ACACA: variants seen among roughly 807,000 people sequenced by gnomAD.
ACACA encodes the protein acetyl-CoA carboxylase alpha.
Under a neutral mutation model 296.1 loss-of-function variants are expected in ACACA, and 103 were observed. That is an observed-to-expected ratio of 0.35 (90% CI 0.30 to 0.41). The LOEUF is 0.41. Among genes scored for constraint, ACACA ranks in the 10% least tolerant of loss-of-function variants. ACACA has a pLI of 1.00. For missense variants in ACACA, 1,554 were observed against 2,989.7 expected (o/e 0.52, Z 11.20); for synonymous variants, 953 against 1,038.6 (o/e 0.92, Z 1.58).
chr17:37,397,884 C>CTGAAAT (rs1490211284), intron 1 of ACACA, among the ~76,000 whole-genome samples: 4 of 152,038 alleles, frequency 2.6e-5, no homozygotes, highest in African/African-American at 7.2e-5. Flanking sequence ...CATCCAGTGG[C>CTGAAAT]TGAAATTGCT....
intron 15 of ACACA, 72 bp from the exon 16 acceptor site, chr17:37,252,180 G>T: frequency 8.1e-7 from 1 of 1,241,606 alleles, no homozygotes; most frequent in Non-Finnish European, 1.2e-6. Context: ...ATGAAATCAG[G>T]CTCAAATTTG....
intron 45 of ACACA, among the ~76,000 whole-genome samples, chr17:37,146,850 C>A (rs2075833254): frequency 1.3e-5 from 2 of 148,192 alleles, no homozygotes; most frequent in South Asian, 2.2e-4. Flanking sequence ...ACCCCCCAAC[C>A]CCCCTTCCTG....
intron 3 of ACACA, among the ~76,000 whole-genome samples, chr17:37,312,893 T>A (rs2084229764): frequency 6.6e-6 from 1 of 151,804 alleles, no homozygotes; most frequent in African/African-American, 2.4e-5. Context: ...ACAAAAAAAA[T>A]ATATAAAGGG....
At chr17:37,314,988 C>T (rs2047022131) in intron 3 of ACACA, among the ~76,000 whole-genome samples, 1 of 95,184 alleles carries the variant, frequency 1.1e-5, no homozygotes, top group Non-Finnish European at 1.9e-5. Context: ...GATGGAGTTT[C>T]GCTCTTGTTG....
chr17:37,201,191 C>T (rs141589888), intron 33 of ACACA, among the ~76,000 whole-genome samples: 538 of 152,290 alleles, frequency 3.5e-3, no homozygotes, highest in Non-Finnish European at 5.8e-3. Flanking sequence ...GTAATCCCAA[C>T]ACTTTGTGGG....
At chr17:37,372,615 C>A (rs1409924829) in intron 1 of ACACA, among the ~76,000 whole-genome samples, 1 of 152,126 alleles carries the variant, frequency 6.6e-6, no homozygotes, top group Non-Finnish European at 1.5e-5. Flanking sequence ...AGTGCTCCTT[C>A]TGCAGACCCA....
intron 42 of ACACA, among the ~76,000 whole-genome samples, chr17:37,159,474 G>A (rs1029900008): frequency 4.6e-5 from 7 of 152,044 alleles, no homozygotes; most frequent in Non-Finnish European, 8.8e-5. Context: ...TGCCTGCCTC[G>A]GCCTCCCGAA....
intron 41 of ACACA, among the ~76,000 whole-genome samples, chr17:37,165,572 A>G (rs940324165): frequency 2.0e-5 from 3 of 151,992 alleles, no homozygotes; most frequent in Non-Finnish European, 4.4e-5. Flanking sequence ...AATCTTACCC[A>G]TTCCAAAAGG....
In ACACA at chr17:37,097,503, T is replaced by A. The variant is rs2142723299; in HGVS notation, c.6720+327A>T. Among the ~76,000 whole-genome samples the A allele has an allele frequency of 6.6e-6, 1 of 152,342 alleles. No homozygotes were observed. On this transcript the variant is annotated intron_variant, in intron 53 of 55. Coordinates refer to ENST00000616317, the MANE Select transcript of ACACA (RefSeq NM_198834.3). The surrounding 1 kb of genome is among the most constrained non-coding windows in gnomAD (Gnocchi z 4.8). ...GATCAAACAACTTGCAGATCAATTA[T>A]TAATTAGCTGCTGCGGGAGCCTTGA...
chr17:37,274,528 G>A lies in ACACA; in HGVS notation c.902-229C>T. ...TGGCAAAAGCCAGCCGAACTAACAGGGAGCAACTTATAAAAATGCAAAGAC... is the reference window on the plus strand; with the variant it reads ...TGGCAAAAGCCAGCCGAACTAACAGAGAGCAACTTATAAAAATGCAAAGAC... On this transcript the variant is annotated intron_variant, in intron 8 of 55. Transcript: ENST00000616317. 3.6e-6 allele frequency: 3 copies of A among 825,640 alleles called. No homozygotes were observed. The South Asian group carries it at 1.7e-4, about 46-fold the overall frequency. 51.1% of individuals were successfully genotyped at this position (825,640 alleles called of 1,614,324 possible). A position where few individuals can be genotyped will look rare whatever the true frequency, so the allele number is the denominator to read the frequency against.
intron 1 of ACACA, chr17:37,379,126 TCTC>T (rs749751295): frequency 1.9e-6 from 3 of 1,608,856 alleles, no homozygotes; most frequent in Non-Finnish European, 2.5e-6. Context: ...ATCTGGTTCT[TCTC>T]CTTCCAGAAA....
chr17:37,292,360 G>A (rs1199286399), intron 3 of ACACA, among the ~76,000 whole-genome samples: 2 of 152,084 alleles, frequency 1.3e-5, no homozygotes, highest in Non-Finnish European at 2.9e-5. Context: ...AGCATCTTGA[G>A]AAAAACAAGC....
Position 37,088,143 on chromosome 17 carries a change from TCAGA to T in ACACA, c.7029-708_7029-705del, listed in dbSNP as rs369475384. Among the ~76,000 whole-genome samples, 755 of 152,276 alleles carry T rather than the reference TCAGA, an allele frequency of 5.0e-3. 3 individuals are homozygous for T. Among genetic ancestry groups the T allele is most frequent in the African/African-American group, 0.017 (713 of 41,552 alleles). ...ACCTGCATCTCATCATGGGGAGACA[TCAGA>T]CAAACTCAAAATGAGCAATGTTCTA... is the stretch of plus-strand genomic sequence containing the variant. On this transcript the variant is annotated intron_variant, in intron 55 of 55. Transcript: ENST00000616317.
intron 1 of ACACA, among the ~76,000 whole-genome samples, chr17:37,399,581 A>C (rs1467370852): frequency 6.6e-6 from 1 of 152,184 alleles, no homozygotes; most frequent in African/African-American, 2.4e-5. Flanking sequence ...GCCACTTAGC[A>C]ACAATATATT....
At chr17:37,197,709 T>C (rs2078067006) in intron 35 of ACACA, among the ~76,000 whole-genome samples, 1 of 152,074 alleles carries the variant, frequency 6.6e-6, no homozygotes, top group Non-Finnish European at 1.5e-5. Context: ...CTAGTGTAGA[T>C]CCTGGATTGT....
intron 1 of ACACA, chr17:37,379,382 G>A (rs1568077644): frequency 1.2e-6 from 2 of 1,612,874 alleles, no homozygotes; most frequent in Non-Finnish European, 8.5e-7. Flanking sequence ...AAAAGGCAAA[G>A]GTGAGATTGG....
At chr17:37,133,383 A>G (rs2075192359) in intron 45 of ACACA, among the ~76,000 whole-genome samples, 1 of 152,216 alleles carries the variant, frequency 6.6e-6, no homozygotes, top group Admixed American at 6.5e-5. Flanking sequence ...TGCTGACTCA[A>G]GTGGTTTTAA....
intron 45 of ACACA, among the ~76,000 whole-genome samples, chr17:37,137,715 T>C (rs1460943948): frequency 6.6e-6 from 1 of 152,190 alleles, no homozygotes; most frequent in African/African-American, 2.4e-5. Flanking sequence ...TTTTCCCCAA[T>C]GTAGATGCCC....
At chr17:37,294,467 T>C (rs1173317448) in intron 3 of ACACA, among the ~76,000 whole-genome samples, 2 of 152,220 alleles carry the variant, frequency 1.3e-5, no homozygotes, top group East Asian at 1.9e-4. Flanking sequence ...TAGACATGTA[T>C]AGACGCACAC....
Sources: gnomAD v4.1 joint callset for allele counts (sites outside exome capture counted in the v4.1 genomes callset) on GRCh38, gnomAD v4.1.1 for gene constraint, Gnocchi (gnomAD v3.1) non-coding constraint, MANE v1.5 for transcripts, NCBI Gene and HGNC (gene_info 2026-07-23, HGNC 2026-07-21) for gene names.